The following CEP83 variants were observed in gnomAD, a reference collection of about 807,000 sequenced individuals.
The protein encoded by CEP83 is centrosomal protein 83, also known as centrosomal protein of 83 kDa.
In CEP83, 70 loss-of-function variants were observed where a neutral mutation model predicts 101.9. The observed-to-expected ratio is 0.69, with a 90% CI of 0.57 to 0.84. The LOEUF (loss-of-function observed/expected upper bound fraction) is 0.84. Among genes scored for constraint, CEP83 ranks in the 40% least tolerant of loss-of-function variants. The pLI, the probability that CEP83 is intolerant of heterozygous loss-of-function variation, is 0.00. For missense variants in CEP83, 715 were observed against 787.2 expected, an observed-to-expected ratio of 0.91 and a Z score of 1.10; for synonymous variants, 264 against 267.9, an observed-to-expected ratio of 0.99 and a Z score of 0.14.
At position 94,447,115 on chromosome 12, in the gene CEP83, A is replaced by C. The variant is rs2066866057; in HGVS notation, c.-154-11788T>G. The stretch of plus-strand genomic sequence containing the variant: ...TCAAAAATGAAGATGAAATAAAGAC[A>C]TTTTCAGATAGATAACCAAAGACGA... On this transcript the variant is annotated intron_variant, in intron 1 of 16. Transcript: ENST00000397809. 1.3e-5 allele frequency among the ~76,000 whole-genome samples: 2 copies of C among 152,222 alleles called. 1 individual carries two copies. Among genetic ancestry groups the C allele is most frequent in the Admixed American group, 1.3e-4 (2 of 15,284 alleles).
intron 1 of CEP83, among the ~76,000 whole-genome samples, chr12:94,444,214 C>T (rs992553492): frequency 1.3e-5 from 2 of 152,156 alleles, no homozygotes; most frequent in South Asian, 2.1e-4. Flanking sequence ...GCCTGGCCAA[C>T]GTGGTGAAAC....
chr12:94,386,051 T>C lies in CEP83; in HGVS notation c.550-7009A>G, dbSNP rs150330758. On this transcript the variant is annotated intron_variant, in intron 6 of 16. Transcript: ENST00000397809. ...AGGTGCATATATGTATAGTCCATGA[T>C]GTTTGCACATGACAAAATCGCCTAA... Among the ~76,000 whole-genome samples the C allele has an allele frequency of 2.3e-3, 345 of 152,320 alleles. 18 individuals carry two copies. In the East Asian group the frequency reaches 0.062, roughly 27 times the overall value.
chr12:94,363,147 T>C (rs558115445), intron 11 of CEP83, among the ~76,000 whole-genome samples: 1 of 152,334 alleles, frequency 6.6e-6, no homozygotes, highest in Admixed American at 6.5e-5. Context: ...CACTAATTTA[T>C]TGTATATTTG....
intron 11 of CEP83, among the ~76,000 whole-genome samples, chr12:94,355,447 C>T (rs1177833271): frequency 6.6e-6 from 1 of 151,830 alleles, no homozygotes; most frequent in African/African-American, 2.4e-5. Flanking sequence ...GAGCAGATCG[C>T]ACCACTGCAC....
At chr12:94,354,299 A>G (rs1013791857) in intron 11 of CEP83, among the ~76,000 whole-genome samples, 9 of 151,828 alleles carry the variant, frequency 5.9e-5, no homozygotes, top group African/African-American at 1.7e-4. Context: ...CTTGTGCCTC[A>G]GCCTCTCGAG....
chr12:94,413,963 G>T (rs887091905), intron 2 of CEP83, among the ~76,000 whole-genome samples: 4 of 151,454 alleles, frequency 2.6e-5, no homozygotes, highest in African/African-American at 7.3e-5. Context: ...TATGCAAACC[G>T]ACCATTAAAT....
intron 11 of CEP83, among the ~76,000 whole-genome samples, chr12:94,364,766 G>T (rs2060939248): frequency 6.6e-6 from 1 of 152,154 alleles, no homozygotes; most frequent in South Asian, 2.1e-4. Context: ...GCATCATCAT[G>T]AATCACTGGG....
chr12:94,376,918 T>G (rs2137141128), intron 7 of CEP83, among the ~76,000 whole-genome samples: 1 of 152,018 alleles, frequency 6.6e-6, no homozygotes, highest in South Asian at 2.1e-4. Context: ...TTTTGTACTT[T>G]TTGTAGAGAC....
intron 6 of CEP83, among the ~76,000 whole-genome samples, chr12:94,389,059 A>G (rs1439914750): frequency 1.3e-5 from 2 of 152,180 alleles, no homozygotes; most frequent in African/African-American, 4.8e-5. Flanking sequence ...CCAAGGAGGC[A>G]GAGGTTGCAG....
At chr12:94,452,305 T>C (rs2067314705) in intron 1 of CEP83, among the ~76,000 whole-genome samples, 1 of 152,152 alleles carries the variant, frequency 6.6e-6, no homozygotes, top group Admixed American at 6.5e-5. Flanking sequence ...CATTAAATTG[T>C]ACACTTACAA....
At chr12:94,440,673 G>C (rs1433501313) in intron 1 of CEP83, among the ~76,000 whole-genome samples, 2 of 150,432 alleles carry the variant, frequency 1.3e-5, no homozygotes, top group Non-Finnish European at 3.0e-5. Context: ...GTTCTTCACA[G>C]ATCTAGAAAA....
the CEP83 span, chr12:94,297,071 A>AGAGAGCTCAAGTC: frequency 1.1e-6 from 1 of 951,798 alleles, no homozygotes; most frequent in Non-Finnish European, 1.7e-6. Context: ...AGCTCAAGTC[A>AGAGAGCTCAAGTC]AAAAGCTCAA....
At chr12:94,459,017 A>T (rs1459558304) in intron 1 of CEP83, among the ~76,000 whole-genome samples, 1 of 152,216 alleles carries the variant, frequency 6.6e-6, no homozygotes, top group Non-Finnish European at 1.5e-5. Context: ...AGTATATATC[A>T]TATACACGAA....
chr12:94,430,825 G>A (rs1290908863), intron 2 of CEP83, among the ~76,000 whole-genome samples: 1 of 152,134 alleles, frequency 6.6e-6, no homozygotes, highest in Non-Finnish European at 1.5e-5. Context: ...TAGTCAAACT[G>A]TCAACAATCA....
In CEP83 at chr12:94,309,938, G is replaced by T. The variant is rs1046842522; in HGVS notation, c.1981C>A (p.Pro661Thr). 3 of 1,602,906 alleles carry T rather than the reference G, an allele frequency of 1.9e-6. No individual in the cohort carries two copies. The African/African-American group carries it at 4.0e-5, about 22-fold the overall frequency. The change falls in exon 16 of 17, where the codon CCA (proline) becomes ACA (threonine). Residue 661 changes from proline (P) to threonine (T), a missense_variant. Pro to Thr is a conservative substitution (Grantham distance 38, BLOSUM62 -1). Coordinates refer to ENST00000397809, the MANE Select transcript of CEP83 (RefSeq NM_016122.3). ...CATACCTGCATATGAGGAGGAAATG[G>T]TAGTTCCATGCTTGGAACCATGGCT... ...SSAMVPSMEL[P>T]FPPHMQEEQH...
chr12:94,412,143 T>C (rs2063923439), intron 3 of CEP83, among the ~76,000 whole-genome samples, 175 bp downstream of exon 3: 2 of 152,234 alleles, frequency 1.3e-5, no homozygotes, highest in Non-Finnish European at 2.9e-5. Flanking sequence ...CTTGATATCA[T>C]ACTTAGTTTG....
At chr12:94,365,769 G>GAAA (rs766001301) in intron 11 of CEP83, among the ~76,000 whole-genome samples, 1 of 70,722 alleles carries the variant, frequency 1.4e-5, no homozygotes, top group Non-Finnish European at 2.9e-5. Context: ...GACTGTGTTT[G>GAAA]AAAAAAAAAA....
At chr12:94,331,896 C>T (rs1354707135) in intron 13 of CEP83, 67 bp from the exon 14 acceptor site, 60 of 1,431,164 alleles carry the variant, frequency 4.2e-5, no homozygotes, top group Non-Finnish European at 5.8e-5. Context: ...GATATTATCA[C>T]AAGTATAAGC....
chr12:94,300,921 G>C, the CEP83 span: 1 of 1,611,984 alleles, frequency 6.2e-7, no homozygotes, highest in Non-Finnish European at 8.5e-7. Flanking sequence ...CTTCCTCTTC[G>C]CTTCTGGGTA....
Sources: allele counts gnomAD v4.1 joint callset (sites outside exome capture counted in the v4.1 genomes callset), GRCh38; gene constraint gnomAD v4.1.1; transcripts MANE v1.5; gene names NCBI Gene and HGNC (gene_info 2026-07-23, HGNC 2026-07-21).